Variants in EXOC1L observed in about 807,000 individuals in gnomAD.
The protein encoded by EXOC1L is exocyst complex component 1 like.
Under a neutral mutation model 4.9 loss-of-function variants are expected in EXOC1L, and 10 were observed. The observed-to-expected ratio is 2.02, with a 90% confidence interval of 1.25 to 3.43. The LOEUF is 3.43. EXOC1L is among the 30% of genes most tolerant of loss of function. EXOC1L has a pLI of 0.00. For missense variants in EXOC1L, 114 were observed against 59.4 expected (o/e 1.92, Z -3.02); for synonymous variants, 41 against 20.8 (o/e 1.97, Z -2.63).
Position 55,831,377 on chromosome 4 carries a change from C to A in EXOC1L, c.165C>A (p.Tyr55Ter). The change falls in exon 2 of 3, where the codon TAC becomes TAA. Residue 55 changes from tyrosine (Y) to a stop codon, truncating the protein, a stop_gained. Transcript: ENST00000636125. LOFTEE classifies it high-confidence loss of function. Reference protein sequence around the residue: ...EEVKIVMVKHYRIGLDEKYEV... With the variant: ...EEVKIVMVKH Reference sequence around the variant, plus strand: ...TAAAAATAGTCATGGTGAAACACTACAGAATAGGTTTAGATGAAAAATATG... The same window carrying A: ...TAAAAATAGTCATGGTGAAACACTAAAGAATAGGTTTAGATGAAAAATATG... The A allele has an allele frequency of 1.5e-6, 1 of 684,724 alleles. No homozygotes were observed. The highest frequency in any genetic ancestry group is 2.6e-6 in the Non-Finnish European group (1 of 377,370). 42.4% of individuals were successfully genotyped at this position (684,724 alleles called of 1,614,324 possible). A position where few individuals can be genotyped will look rare whatever the true frequency, so the allele number is the denominator to read the frequency against.
intron 1 of EXOC1L, among the ~76,000 whole-genome samples, chr4:55,829,206 A>C (rs1719963317): frequency 6.6e-6 from 1 of 152,168 alleles, no homozygotes. Flanking sequence ...CAAACAAAAC[A>C]AAACAAAACA....
chr4:55,822,282 T>C (rs1223101156), intron 1 of EXOC1L, among the ~76,000 whole-genome samples: 1 of 152,228 alleles, frequency 6.6e-6, no homozygotes, highest in Non-Finnish European at 1.5e-5. Context: ...TCTTGATATT[T>C]ACCTGGTTGA....
intron 1 of EXOC1L, among the ~76,000 whole-genome samples, chr4:55,830,376 T>C (rs1431112638): frequency 6.6e-6 from 1 of 152,162 alleles, no homozygotes; most frequent in Non-Finnish European, 1.5e-5. Context: ...TAATATGTTA[T>C]TGTATGTGAC....
intron 2 of EXOC1L, 21 bp downstream of exon 2, chr4:55,831,485 G>C: frequency 3.0e-6 from 2 of 667,942 alleles, no homozygotes; most frequent in Admixed American, 4.8e-5. Flanking sequence ...CATTTTATAA[G>C]GAGATGTGGA....
intron 2 of EXOC1L, among the ~76,000 whole-genome samples, chr4:55,832,141 G>A (rs528600065): frequency 3.0e-4 from 45 of 152,110 alleles, no homozygotes; most frequent in South Asian, 8.3e-4. Context: ...ATTATGGCAT[G>A]GGTGGAAATG....
chr4:55,830,371 T>C (rs1423761323), intron 1 of EXOC1L, among the ~76,000 whole-genome samples: 3 of 152,152 alleles, frequency 2.0e-5, no homozygotes, highest in African/African-American at 7.2e-5. Context: ...CTTTATAATA[T>C]GTTATTGTAT....
At chr4:55,824,518 A>G (rs1719832930) in intron 1 of EXOC1L, among the ~76,000 whole-genome samples, 1 of 151,966 alleles carries the variant, frequency 6.6e-6, no homozygotes, top group Admixed American at 6.5e-5. Flanking sequence ...ATGCGCCACT[A>G]TGCCTGGCTA....
intron 2 of EXOC1L, among the ~76,000 whole-genome samples, chr4:55,834,467 G>A (rs963667380): frequency 3.9e-5 from 6 of 151,954 alleles, no homozygotes; most frequent in African/African-American, 1.2e-4. Flanking sequence ...AAAAAAGAGA[G>A]AGAAAGAGAC....
Position 55,833,499 on chromosome 4 carries a change from G to C in EXOC1L, c.252+2035G>C, listed in dbSNP as rs61458784. On this transcript the variant is annotated intron_variant, in intron 2 of 2. Transcript: ENST00000636125. ...TTCTATTTTATATTTTTCTGTACTTGTCAAATTTCTATAATACTGCATTTA... is the reference window on the plus strand; with the variant it reads ...TTCTATTTTATATTTTTCTGTACTTCTCAAATTTCTATAATACTGCATTTA... Among the ~76,000 whole-genome samples the C allele has an allele frequency of 2.6e-3, 398 of 151,726 alleles. 3 individuals carry two copies. Among genetic ancestry groups the C allele is most frequent in the African/African-American group, 7.7e-3 (319 of 41,446 alleles).
At chr4:55,826,434 A>G (rs1719888240) in intron 1 of EXOC1L, among the ~76,000 whole-genome samples, 1 of 152,198 alleles carries the variant, frequency 6.6e-6, no homozygotes, top group South Asian at 2.1e-4. Flanking sequence ...CCATGGTAAT[A>G]GAGGCATTTA....
intron 1 of EXOC1L, among the ~76,000 whole-genome samples, chr4:55,829,409 C>A (rs1719967473): frequency 6.6e-6 from 1 of 152,154 alleles, no homozygotes; most frequent in Non-Finnish European, 1.5e-5. Context: ...CATGATTTAA[C>A]TCCAGAATGT....
intron 1 of EXOC1L, among the ~76,000 whole-genome samples, chr4:55,827,939 GA>G (rs1719926318): frequency 6.6e-6 from 1 of 152,094 alleles, no homozygotes; most frequent in African/African-American, 2.4e-5. Flanking sequence ...AGTGGAGACG[GA>G]AACTTTTTAG....
At chr4:55,823,691 T>TG in intron 1 of EXOC1L, among the ~76,000 whole-genome samples, 1 of 137,178 alleles carries the variant, frequency 7.3e-6, no homozygotes, top group South Asian at 2.3e-4. Context: ...CAAGGCTGTT[T>TG]TTTGTTTGTT....
At chr4:55,822,742 G>A (rs1362009137) in intron 1 of EXOC1L, among the ~76,000 whole-genome samples, 1 of 152,136 alleles carries the variant, frequency 6.6e-6, no homozygotes, top group East Asian at 1.9e-4. Context: ...GGCCTCAGTG[G>A]TGACATCTCT....
chr4:55,828,213 C>A (rs965305240), intron 1 of EXOC1L, among the ~76,000 whole-genome samples: 1 of 152,182 alleles, frequency 6.6e-6, no homozygotes, highest in African/African-American at 2.4e-5. Context: ...GAGGCTGGCA[C>A]ACAATGTGCA....
chr4:55,837,169 A>G lies in EXOC1L; in HGVS notation c.337A>G (p.Thr113Ala). The G allele has an allele frequency of 1.4e-6, 1 of 702,134 alleles. No homozygotes were observed. The highest frequency in any genetic ancestry group is 2.3e-4 in the Middle Eastern group (1 of 4,364). The allele number at this position is 702,134 out of a possible 1,614,324, so 43.5% of individuals were successfully genotyped here. ...TGCTTCTAAATATGCCTTTGCTCGA[A>G]CTGTAAATAAGCTGAATCATGCATA... is the stretch of plus-strand genomic sequence containing the variant. ...SCASKYAFAR[T>A]VNKLNHAYLK... Residue 113 changes from threonine to alanine, a missense_variant, in exon 3 of 3, where the codon ACT becomes GCT. Transcript: ENST00000636125.
intron 1 of EXOC1L, among the ~76,000 whole-genome samples, chr4:55,822,671 A>C (rs996440930): frequency 2.6e-5 from 4 of 152,150 alleles, no homozygotes; most frequent in African/African-American, 4.8e-5. Context: ...TTGGTGTGAA[A>C]CCTGGTGCTG....
intron 1 of EXOC1L, among the ~76,000 whole-genome samples, chr4:55,824,341 A>G (rs1719821006): frequency 6.6e-6 from 1 of 151,388 alleles, no homozygotes; most frequent in Admixed American, 6.6e-5. Context: ...AAATGTCTCT[A>G]TGGAGGAATT....
chr4:55,822,153 T>A (rs1719761086), intron 1 of EXOC1L, among the ~76,000 whole-genome samples: 1 of 152,074 alleles, frequency 6.6e-6, no homozygotes, highest in African/African-American at 2.4e-5. Context: ...TCAAATTCCA[T>A]CATGTATTTT....
Sources: allele counts gnomAD v4.1 joint callset (sites outside exome capture counted in the v4.1 genomes callset), GRCh38; gene constraint gnomAD v4.1.1; transcripts MANE v1.5; gene names NCBI Gene and HGNC (gene_info 2026-07-23, HGNC 2026-07-21).